Variants in SH2D5 observed in about 807,000 individuals in gnomAD.
The protein encoded by SH2D5 is SH2 domain-containing protein 5.
Under a neutral mutation model 48.2 loss-of-function variants are expected in SH2D5, and 45 were observed. That is an observed-to-expected ratio of 0.93 (90% CI 0.73 to 1.20). SH2D5 has a LOEUF of 1.20. Among genes scored for constraint, SH2D5 ranks in the 50% most tolerant of loss-of-function variants. The probability of loss-of-function intolerance (pLI) is 0.00; values close to 1 mark genes in which losing one functional copy is unlikely to be tolerated. For missense variants in SH2D5, 538 were observed against 584.1 expected (o/e 0.92, Z 0.81); for synonymous variants, 230 against 249.8 (o/e 0.92, Z 0.75).
At chr1:20,722,069 C>G in intron 9 of SH2D5, 74 bp from the exon 10 acceptor site, 1 of 1,397,960 alleles carries the variant, frequency 7.2e-7, no homozygotes. Flanking sequence ...CCCGCTCCCA[C>G]AGGAGCCTGC....
chr1:20,724,535 G>A lies in SH2D5; in HGVS notation c.491C>T (p.Thr164Ile). 6.2e-7 allele frequency: 1 copy of A among 1,608,712 alleles called. No homozygotes were observed. The highest frequency in any genetic ancestry group is 8.5e-7 in the Non-Finnish European group (1 of 1,178,370). Reference sequence around the variant, plus strand: ...CAGTGGCTTCAGGGGCACCTCCCCTGTGGGCCCTGGGCAGGGCTCTGGCTG... The same window carrying A: ...CAGTGGCTTCAGGGGCACCTCCCCTATGGGCCCTGGGCAGGGCTCTGGCTG... ...RAQPEPCPGP[T>I]GEVPLKPLSS... Residue 164 changes from threonine to isoleucine, a missense_variant, in exon 6 of 10, where the codon ACA (threonine) becomes ATA (isoleucine). By Grantham distance (89) the Thr-to-Ile change is moderately conservative. Coordinates refer to ENST00000444387, the MANE Select transcript of SH2D5 (RefSeq NM_001103161.2).
Position 20,721,914 on chromosome 1 carries a change from C to T in SH2D5, c.1150G>A (p.Asp384Asn), listed in dbSNP as rs751895957. Reference protein sequence around the residue: ...VTERSLFCPLDMGRLNPTYEE... With the variant: ...VTERSLFCPLNMGRLNPTYEE... ...TAGGTGGGGTTCAGGCGGCCCATGT[C>T]GAGGGGACAGAAGAGGCTACGTTCA... The change falls in exon 10 of 10, where the codon GAC (aspartate) becomes AAC (asparagine). Residue 384 changes from aspartate (D) to asparagine (N), a missense_variant. By Grantham distance (23) the Asp-to-Asn change is conservative. Transcript: ENST00000444387. The T allele has an allele frequency of 3.7e-6, 6 of 1,613,210 alleles. No homozygotes were observed. The Admixed American group carries it at 5.0e-5, about 13-fold the overall frequency.
rs766676373 is a variant in SH2D5 at position 20,721,908 on chromosome 1, C to T, written c.1156G>A (p.Gly386Ser). The stretch of plus-strand genomic sequence containing the variant: ...TCCTCGTAGGTGGGGTTCAGGCGGC[C>T]CATGTCGAGGGGACAGAAGAGGCTA... ...ERSLFCPLDMGRLNPTYEEQD... is the reference protein window; with the variant it reads ...ERSLFCPLDMSRLNPTYEEQD... The change falls in exon 10 of 10, where the codon GGC becomes AGC. Residue 386 changes from glycine (G) to serine (S), a missense_variant. By Grantham distance (56) the Gly-to-Ser change is moderately conservative (BLOSUM62 0). Coordinates refer to ENST00000444387, the MANE Select transcript of SH2D5 (RefSeq NM_001103161.2). 2 of 1,613,200 alleles carry T rather than the reference C, an allele frequency of 1.2e-6. No homozygotes were observed. The highest frequency in any genetic ancestry group is 1.7e-6 in the Non-Finnish European group (2 of 1,179,994).
chr1:20,727,918 C>T (rs1242282614), intron 2 of SH2D5, 40 bp downstream of exon 2: 2 of 1,453,502 alleles, frequency 1.4e-6, no homozygotes, highest in African/African-American at 2.8e-5. Context: ...ACCTGAGGGC[C>T]ACCCACCAGA....
At chr1:20,723,339 G>A (rs985246838) in intron 8 of SH2D5, among the ~76,000 whole-genome samples, 1 of 152,248 alleles carries the variant, frequency 6.6e-6, no homozygotes, top group Non-Finnish European at 1.5e-5. Flanking sequence ...GAGGCTTAAA[G>A]AGCTGACGCT....
Position 20,721,710 on chromosome 1 carries a change from G to A in SH2D5, c.*82C>T, listed in dbSNP as rs545598608. ...GGTGACTGGATGGAACTGGCAACCAGAGGGGTGCAGGACGGGCAGAGATGC... is the reference window on the plus strand; with the variant it reads ...GGTGACTGGATGGAACTGGCAACCAAAGGGGTGCAGGACGGGCAGAGATGC... On this transcript the variant is annotated 3_prime_UTR_variant, in exon 10 of 10. Transcript: ENST00000444387. The A allele has an allele frequency of 7.7e-7, 1 of 1,301,098 alleles. No individual in the cohort carries two copies. The highest frequency in any genetic ancestry group is 1.5e-5 in the African/African-American group (1 of 67,042). 80.6% of individuals were successfully genotyped at this position (1,301,098 alleles called of 1,614,324 possible).
rs1214835819 is a variant in SH2D5, at chr1:20,728,081, G to A, written c.-37C>T. Reference sequence around the variant, plus strand: ...TGCCTGGCTTCCAGCTCCACGGGAGGGGAGGCTGCAAAGGGCAGGGGGGGA... The same window carrying A: ...TGCCTGGCTTCCAGCTCCACGGGAGAGGAGGCTGCAAAGGGCAGGGGGGGA... On this transcript the variant is annotated 5_prime_UTR_variant, in exon 2 of 10. Transcript: ENST00000444387. This position sits in a 1 kb window ranked among gnomAD's most constrained non-coding sequence, Gnocchi z 4.3. The A allele has an allele frequency of 2.1e-6, 3 of 1,455,874 alleles. No individual in the cohort carries two copies. The highest frequency in any genetic ancestry group is 4.0e-5 in the Admixed American group (2 of 50,426). The allele number at this position is 1,455,874 out of a possible 1,614,324, so 90.2% of individuals were successfully genotyped here.
rs774836725 is a variant in SH2D5 at position 20,720,530 on chromosome 1, C to G, written c.*1262G>C. The G allele has an allele frequency of 6.6e-6, 1 of 152,274 alleles. No homozygotes were observed. The highest frequency in any genetic ancestry group is 1.5e-5 in the Non-Finnish European group (1 of 68,050). The allele number at this position is 152,274 out of a possible 1,614,324, so 9.4% of individuals were successfully genotyped here. On this transcript the variant is annotated 3_prime_UTR_variant, in exon 10 of 10. Coordinates refer to ENST00000444387, the MANE Select transcript of SH2D5 (RefSeq NM_001103161.2). The stretch of plus-strand genomic sequence containing the variant: ...CCACTCCCAGACGGGGAGAGGGCAG[C>G]CCCCAGGCTCATGACGTGGCTTCTG...
At position 20,732,635 on chromosome 1, in the gene SH2D5, G is replaced by T. The variant is rs1203589060; in HGVS notation, c.-497C>A. 1 of 152,288 alleles carries T rather than the reference G, an allele frequency of 6.6e-6. No individual in the cohort carries two copies. The highest frequency in any genetic ancestry group is 6.5e-5 in the Admixed American group (1 of 15,286). The allele number at this position is 152,288 out of a possible 1,614,324, so 9.4% of individuals were successfully genotyped here. A position where few individuals can be genotyped will look rare whatever the true frequency, so the allele number is the denominator to read the frequency against. ...TCAGGGTGGTTCGGGCCCGGCCCTT[G>T]TGAGTGGAGGGTCGTTGCGCATCCT... On this transcript the variant is annotated 5_prime_UTR_variant, in exon 1 of 10. Transcript: ENST00000444387. The surrounding 1 kb of genome is among the most constrained non-coding windows in gnomAD (Gnocchi z 5.1).
rs753995619 is a variant in SH2D5, at chr1:20,728,002, CG to C, written c.42del (p.Cys14TrpfsTer42). 4.5e-6 allele frequency: 7 copies of C among 1,569,014 alleles called. No individual in the cohort carries two copies. The highest frequency in any genetic ancestry group is 6.0e-6 in the Non-Finnish European group (7 of 1,158,072). On this transcript the variant is annotated frameshift_variant, in exon 2 of 10. Transcript: ENST00000444387. LOFTEE classifies it high-confidence loss of function. The surrounding 1 kb of genome is among the most constrained non-coding windows in gnomAD (Gnocchi z 4.3). ...AGAGGRRASD[C>X]GLAPHRPRCI... ...CACCTGGGCCGGTGAGGGGCCAGCC[CG>C]CAGTCAGAGGCCCTGCGGCCCCCAG...
chr1:20,722,798 G>T lies in SH2D5; in HGVS notation c.1026C>A (p.Pro342=). Residue 342 remains proline, a synonymous_variant, in exon 9 of 10, where the codon CCC becomes CCA. Coordinates refer to ENST00000444387, the MANE Select transcript of SH2D5 (RefSeq NM_001103161.2). The part of the protein sequence containing the change: ...LSVRTQCGVV[P]HQVFRNHLGR... ...CCAGGTGGTTCCGGAAGACCTGGTG[G>T]GGCACCACGCCGCACTGCGTGCGCA... 1.3e-6 allele frequency: 2 copies of T among 1,584,454 alleles called. No individual in the cohort carries two copies. Among genetic ancestry groups the T allele is most frequent in the South Asian group, 1.1e-5 (1 of 87,380 alleles).
At position 20,728,146 on chromosome 1, in the gene SH2D5, C is replaced by A. The variant is rs41265083; in HGVS notation, c.-42-60G>T. The A allele has an allele frequency of 0.01, 7,770 of 770,458 alleles. 56 individuals are homozygous for A. Among genetic ancestry groups the A allele is most frequent in the Non-Finnish European group, 0.014 (6,776 of 477,710 alleles). 47.7% of individuals were successfully genotyped at this position (770,458 alleles called of 1,614,324 possible). ...GGCAGGCAAGCCACAGAGTGCCCCC[C>A]ACAGGCCATTCATTCACTGGCTTCC... On this transcript the variant is annotated intron_variant, in intron 1 of 9. Coordinates refer to ENST00000444387, the MANE Select transcript of SH2D5 (RefSeq NM_001103161.2). This position sits in a 1 kb window ranked among gnomAD's most constrained non-coding sequence, Gnocchi z 4.3.
chr1:20,726,519 T>G (rs1454605015), intron 4 of SH2D5, among the ~76,000 whole-genome samples: 1 of 152,018 alleles, frequency 6.6e-6, no homozygotes, highest in African/African-American at 2.4e-5. Context: ...ACACCAGGTG[T>G]GCCTCAGTGG....
At chr1:20,730,506 C>T (rs555106204) in intron 1 of SH2D5, among the ~76,000 whole-genome samples, 33 of 152,302 alleles carry the variant, frequency 2.2e-4, no homozygotes, top group African/African-American at 7.9e-4. Flanking sequence ...CTCTTAGGGG[C>T]CCCAGCCCAC....
intron 4 of SH2D5, among the ~76,000 whole-genome samples, chr1:20,726,751 G>C (rs940636037): frequency 6.6e-6 from 1 of 152,140 alleles, no homozygotes; most frequent in African/African-American, 2.4e-5. Flanking sequence ...TGATGCTCAG[G>C]TGGGGAGGTG....
chr1:20,723,506 CACTGAGGTT>C, intron 8 of SH2D5, 111 bp downstream of exon 8: 1 of 705,306 alleles, frequency 1.4e-6, no homozygotes, highest in Non-Finnish European at 2.4e-6. Flanking sequence ...GGCCTGAGGT[CACTGAGGTT>C]GGGAGCGCTC....
Position 20,720,058 on chromosome 1 carries a change from A to T in SH2D5, c.*1734T>A, listed in dbSNP as rs2154538322. 6.6e-6 allele frequency: 1 copy of T among 152,360 alleles called. No homozygotes were observed. 9.4% of individuals were successfully genotyped at this position (152,360 alleles called of 1,614,324 possible). On this transcript the variant is annotated 3_prime_UTR_variant, in exon 10 of 10. Transcript: ENST00000444387. ...CTGGACCAATGACCAGGTCTTCTTA[A>T]GTGCCCATCTCTGGGCTGTAATCCT...
At chr1:20,726,173 A>C in intron 4 of SH2D5, 107 bp from the exon 5 acceptor site, 1 of 1,351,522 alleles carries the variant, frequency 7.4e-7, no homozygotes, top group Non-Finnish European at 9.9e-7. Flanking sequence ...AGGCCCGCCC[A>C]GTCTCAAGCC....
chr1:20,722,624 G>T (rs531491667), intron 9 of SH2D5, 132 bp downstream of exon 9: 2 of 956,856 alleles, frequency 2.1e-6, no homozygotes, highest in Non-Finnish European at 2.9e-6. Flanking sequence ...GCCAGGGAGA[G>T]CCAATGGGAG....
Sources: gnomAD v4.1 joint callset for allele counts (sites outside exome capture counted in the v4.1 genomes callset) on GRCh38, gnomAD v4.1.1 for gene constraint, Gnocchi (gnomAD v3.1) non-coding constraint, MANE v1.5 for transcripts, NCBI Gene and HGNC (gene_info 2026-07-23, HGNC 2026-07-21) for gene names.